AKAP7: variants seen among roughly 807,000 people sequenced by gnomAD.
AKAP7 encodes A-kinase anchoring protein 7.
A neutral mutation model predicts 39.5 loss-of-function variants in AKAP7; 39 were observed. That is an observed-to-expected ratio of 0.99 (90% confidence interval 0.76 to 1.29). The LOEUF (loss-of-function observed/expected upper bound fraction) is 1.29. Among genes scored for constraint, AKAP7 ranks in the 50% most tolerant of loss-of-function variants. The probability of loss-of-function intolerance (pLI) is 0.00; values close to 1 mark genes in which losing one functional copy is unlikely to be tolerated. For missense variants in AKAP7, 414 were observed against 407.7 expected (o/e 1.02, Z -0.13); for synonymous variants, 140 against 139.1 (o/e 1.01, Z -0.05).
intron 7 of AKAP7, among the ~76,000 whole-genome samples, chr6:131,243,415 G>A (rs1266108625): frequency 6.6e-6 from 1 of 152,156 alleles, no homozygotes; most frequent in East Asian, 1.9e-4. Context: ...CTGACATGGC[G>A]TATCGGAGGC....
intron 1 of AKAP7, among the ~76,000 whole-genome samples, chr6:131,136,028 C>T (rs1800509912): frequency 1.3e-5 from 2 of 152,190 alleles, no homozygotes; most frequent in South Asian, 4.1e-4. Flanking sequence ...GGGGTATGAG[C>T]CCATCCCCGA....
At chr6:131,223,375 ATGT>A (rs1320328561) in intron 7 of AKAP7, among the ~76,000 whole-genome samples, 1 of 152,230 alleles carries the variant, frequency 6.6e-6, no homozygotes, top group Non-Finnish European at 1.5e-5. Flanking sequence ...GCATTTAAAA[ATGT>A]TCAAGAGACA....
At chr6:131,178,567 G>A (rs1186165139) in intron 5 of AKAP7, among the ~76,000 whole-genome samples, 1 of 152,090 alleles carries the variant, frequency 6.6e-6, no homozygotes, top group Non-Finnish European at 1.5e-5. Context: ...TAGCTATCAC[G>A]ACAACTTCCC....
At chr6:131,218,384 G>A (rs1809390895) in intron 6 of AKAP7, among the ~76,000 whole-genome samples, 1 of 152,058 alleles carries the variant, frequency 6.6e-6, no homozygotes, top group South Asian at 2.1e-4. Context: ...TATAAAGCTG[G>A]TTATCAAATA....
Position 131,245,412 on chromosome 6 carries a change from G to GT in AKAP7, c.850+25615dup, listed in dbSNP as rs71802064. On this transcript the variant is annotated intron_variant, in intron 7 of 7. Coordinates refer to ENST00000431975, the MANE Select transcript of AKAP7 (RefSeq NM_016377.4). The stretch of plus-strand genomic sequence containing the variant: ...GGCACCCACCACCACGCCCAGCTAC[G>GT]TTTTTTTTTTTGTTTTTTTGTTTTT... Among the ~76,000 whole-genome samples, 1,271 of 139,766 alleles carry GT rather than the reference G, an allele frequency of 9.1e-3. 10 individuals carry two copies. The highest frequency in any genetic ancestry group is 0.028 in the African/African-American group (1,039 of 37,770). The allele number at this position is 139,766 out of a possible 152,430, so 91.7% of individuals were successfully genotyped here. A position where few individuals can be genotyped will look rare whatever the true frequency, so the allele number is the denominator to read the frequency against.
chr6:131,170,769 G>C (rs1319090651), intron 5 of AKAP7, among the ~76,000 whole-genome samples: 2 of 152,162 alleles, frequency 1.3e-5, no homozygotes, highest in African/African-American at 4.8e-5. Flanking sequence ...TTTATATAGG[G>C]CTGGATTATC....
rs535423412 is a variant in AKAP7 at position 131,209,313 on chromosome 6, C to T, written c.702+9740C>T. ...ACTCCCAGGCTGGAGTGCAGTGGTG[C>T]GATCTCGGCTCATTACAAGTTCTGC... is the stretch of plus-strand genomic sequence containing the variant. On this transcript the variant is annotated intron_variant, in intron 6 of 7. Coordinates refer to ENST00000431975, the MANE Select transcript of AKAP7 (RefSeq NM_016377.4). Among the ~76,000 whole-genome samples the T allele has an allele frequency of 3.9e-5, 6 of 151,978 alleles. No homozygotes were observed. The South Asian group carries it at 8.3e-4, about 21-fold the overall frequency.
At chr6:131,175,333 C>A (rs935875203) in intron 5 of AKAP7, among the ~76,000 whole-genome samples, 5 of 152,060 alleles carry the variant, frequency 3.3e-5, no homozygotes, top group African/African-American at 1.2e-4. Flanking sequence ...TATAAGTGGA[C>A]CTGCTTAGTT....
chr6:131,229,662 A>G (rs2128304895), intron 7 of AKAP7, among the ~76,000 whole-genome samples: 1 of 152,224 alleles, frequency 6.6e-6, no homozygotes, highest in Non-Finnish European at 1.5e-5. Context: ...CTGGCCTCCC[A>G]GTTTGTTTTT....
intron 5 of AKAP7, among the ~76,000 whole-genome samples, chr6:131,176,599 T>A (rs924189340): frequency 6.6e-6 from 1 of 152,188 alleles, no homozygotes; most frequent in African/African-American, 2.4e-5. Flanking sequence ...GATAAAAGAT[T>A]CTAAGTACAT....
chr6:131,184,530 A>T, intron 5 of AKAP7: 1 of 709,584 alleles, frequency 1.4e-6, no homozygotes. Flanking sequence ...TGCTCGATGC[A>T]TTGCCAGCAG....
At chr6:131,225,883 G>C (rs974857379) in intron 7 of AKAP7, among the ~76,000 whole-genome samples, 2 of 152,132 alleles carry the variant, frequency 1.3e-5, no homozygotes, top group Admixed American at 1.3e-4. Flanking sequence ...ATCTTTTACT[G>C]TGTGACTCAG....
chr6:131,180,061 T>C (rs1159105085), intron 5 of AKAP7, among the ~76,000 whole-genome samples: 1 of 152,204 alleles, frequency 6.6e-6, no homozygotes, highest in African/African-American at 2.4e-5. Context: ...TCATGTCTGC[T>C]GTTGCTGCCC....
At chr6:131,219,240 A>T (rs1809483155) in intron 6 of AKAP7, among the ~76,000 whole-genome samples, 2 of 150,928 alleles carry the variant, frequency 1.3e-5, no homozygotes, top group African/African-American at 4.9e-5. Flanking sequence ...CAGTGAGCCG[A>T]GATCGCGCCA....
At chr6:131,201,511 G>C (rs1055455443) in intron 6 of AKAP7, among the ~76,000 whole-genome samples, 1 of 152,106 alleles carries the variant, frequency 6.6e-6, no homozygotes, top group Non-Finnish European at 1.5e-5. Context: ...CAGATGAGTA[G>C]GTTGTGAAAA....
intron 7 of AKAP7, among the ~76,000 whole-genome samples, chr6:131,247,295 A>ATGTTT (rs1812091776): frequency 1.1e-5 from 1 of 91,858 alleles, no homozygotes; most frequent in African/African-American, 4.6e-5. Context: ...ATATATATAT[A>ATGTTT]TATATATATA....
intron 5 of AKAP7, among the ~76,000 whole-genome samples, chr6:131,195,745 A>C (rs780456294): frequency 7.2e-5 from 11 of 152,060 alleles, no homozygotes; most frequent in Non-Finnish European, 1.2e-4. Context: ...TTTTTCCTTC[A>C]GCATCTTAAA....
At chr6:131,251,827 T>C (rs2128319715) in intron 7 of AKAP7, among the ~76,000 whole-genome samples, 1 of 152,368 alleles carries the variant, frequency 6.6e-6, no homozygotes, top group East Asian at 1.9e-4. Context: ...ACAAAGACCA[T>C]TGGCATTCAT....
intron 5 of AKAP7, among the ~76,000 whole-genome samples, chr6:131,178,421 A>G (rs1804781299): frequency 6.6e-6 from 1 of 152,236 alleles, no homozygotes; most frequent in Admixed American, 6.5e-5. Flanking sequence ...TATTAATGAT[A>G]AATACTCCAT....
Sources: allele counts gnomAD v4.1 joint callset (sites outside exome capture counted in the v4.1 genomes callset), GRCh38; gene constraint gnomAD v4.1.1; transcripts MANE v1.5; gene names NCBI Gene and HGNC (gene_info 2026-07-23, HGNC 2026-07-21).